Variants in DCX observed in about 807,000 individuals in gnomAD.
DCX encodes the protein neuronal migration protein doublecortin.
In DCX, 4 loss-of-function variants were observed where a neutral mutation model predicts 20.9. That is an observed-to-expected ratio of 0.19 (90% CI 0.09 to 0.44). The LOEUF (loss-of-function observed/expected upper bound fraction) is 0.44, where lower values mean the gene tolerates loss of function less well. Among genes scored for constraint, DCX ranks in the 20% least tolerant of loss-of-function variants. The pLI is 0.99. For synonymous variants in DCX, 103 were observed against 111.4 expected, an observed-to-expected ratio of 0.92 and a Z score of 0.47; for missense variants, 133 against 296.9, an observed-to-expected ratio of 0.45 and a Z score of 4.06.
At chrX:111,351,907 T>A (rs1256210203) in intron 3 of DCX, among the ~76,000 whole-genome samples, 1 of 111,382 alleles carries the variant, frequency 9.0e-6, no homozygotes, top group Non-Finnish European at 1.9e-5. Context: ...GTATTTTTCG[T>A]AGAAATGGGG....
chrX:111,377,589 C>T (rs1465631061), intron 3 of DCX, among the ~76,000 whole-genome samples: 2 of 111,497 alleles, frequency 1.8e-5, no homozygotes, highest in Admixed American at 1.9e-4. Flanking sequence ...TTTCTGTCAC[C>T]TGCATCTGCT....
chrX:111,335,511 G>C (rs1334523314), intron 3 of DCX, among the ~76,000 whole-genome samples: 1 of 112,586 alleles, frequency 8.9e-6, no homozygotes, highest in African/African-American at 3.2e-5. Context: ...GCAGACAACG[G>C]AGATTAGCAT....
chrX:111,410,483 G>GA, intron 1 of DCX, 63 bp from the exon 2 acceptor site: 1 of 1,162,798 alleles, frequency 8.6e-7, no homozygotes, highest in Non-Finnish European at 1.2e-6. Context: ...CAAGGAGAAG[G>GA]AAAAAAGAAG....
intron 5 of DCX, among the ~76,000 whole-genome samples, chrX:111,324,540 T>C (rs867802092): frequency 8.9e-6 from 1 of 111,923 alleles, no homozygotes; most frequent in South Asian, 3.7e-4. Context: ...AGCTGTGTGA[T>C]CTTGGGCAGG....
intron 2 of DCX, among the ~76,000 whole-genome samples, chrX:111,403,800 C>G (rs976560549): frequency 2.7e-5 from 3 of 111,916 alleles, no homozygotes; most frequent in East Asian, 5.6e-4. Flanking sequence ...CATCCTGACA[C>G]TTTGGGAGGC....
intron 5 of DCX, among the ~76,000 whole-genome samples, chrX:111,327,202 G>A (rs1197332815): frequency 1.8e-5 from 2 of 111,547 alleles, no homozygotes; most frequent in Non-Finnish European, 3.8e-5. Flanking sequence ...TGTTACTCAG[G>A]TTGAAAGAAG....
intron 3 of DCX, among the ~76,000 whole-genome samples, chrX:111,396,037 C>T (rs749070051): frequency 8.9e-6 from 1 of 112,777 alleles, no homozygotes; most frequent in Admixed American, 9.4e-5. Flanking sequence ...TGCTGTGTTT[C>T]CTGCAATTGC....
At chrX:111,349,097 C>T (rs189571029) in intron 3 of DCX, among the ~76,000 whole-genome samples, 10 of 110,900 alleles carry the variant, frequency 9.0e-5, no homozygotes, top group Non-Finnish European at 1.9e-4. Context: ...GCATATATGC[C>T]CATAGATAGC....
At chrX:111,400,678 T>C (rs1000859174) in intron 3 of DCX, among the ~76,000 whole-genome samples, 1 of 112,286 alleles carries the variant, frequency 8.9e-6, no homozygotes, top group African/African-American at 3.2e-5. Context: ...CATCATATAA[T>C]AGCTAAATTC....
At chrX:111,349,882 T>C (rs1033062722) in intron 3 of DCX, among the ~76,000 whole-genome samples, 1 of 111,427 alleles carries the variant, frequency 9.0e-6, no homozygotes, top group Non-Finnish European at 1.9e-5. Flanking sequence ...TACAAAAGTA[T>C]GGGCAGGGTA....
chrX:111,409,973 A>G lies in DCX; in HGVS notation c.364+62T>C, dbSNP rs1928558728. The G allele has an allele frequency of 3.3e-6, 4 of 1,199,650 alleles. No individual in the cohort carries two copies. The African/African-American group carries it at 7.0e-5, about 21-fold the overall frequency. On this transcript the variant is annotated intron_variant, in intron 2 of 6. Coordinates refer to ENST00000636035, the MANE Select transcript of DCX (RefSeq NM_001195553.2). ...TAATTTTTTTTCAAAGCAACCGAAG[A>G]ATGTAACCATAACCAATGATGCCAC...
At chrX:111,336,601 C>CAG (rs1184854783) in intron 3 of DCX, among the ~76,000 whole-genome samples, 1 of 112,068 alleles carries the variant, frequency 8.9e-6, no homozygotes, top group Non-Finnish European at 1.9e-5. Context: ...ACTCAAAGCG[C>CAG]AGAGAGTCAA....
intron 3 of DCX, among the ~76,000 whole-genome samples, chrX:111,343,138 T>G (rs1395326469): frequency 5.4e-5 from 4 of 74,380 alleles, no homozygotes; most frequent in East Asian, 3.5e-4. Context: ...AACAGCTGGG[T>G]TTTTTTTTTT....
rs181514284 is a variant in DCX, at chrX:111,374,432, A to G, written c.705+26558T>C. Among the ~76,000 whole-genome samples, 13 of 111,852 alleles carry G rather than the reference A, an allele frequency of 1.2e-4. No individual in the cohort carries two copies. The Admixed American group carries it at 1.2e-3, about 11-fold the overall frequency. On this transcript the variant is annotated intron_variant, in intron 3 of 6. Transcript: ENST00000636035. ...GGTTATACATTAATACAATACTTAA[A>G]AACACTGTGGCATTATCTTGTAAAA...
chrX:111,367,522 C>T (rs945117832), intron 3 of DCX, among the ~76,000 whole-genome samples: 1 of 111,767 alleles, frequency 8.9e-6, no homozygotes, highest in East Asian at 2.8e-4. Context: ...TGCTGGACTA[C>T]CTCCAATTGG....
At chrX:111,342,069 A>C (rs1313713724) in intron 3 of DCX, among the ~76,000 whole-genome samples, 3 of 107,631 alleles carry the variant, frequency 2.8e-5, no homozygotes, top group Non-Finnish European at 5.8e-5. Flanking sequence ...CAATTAAAAC[A>C]ACAGACTGGA....
At chrX:111,349,398 G>A (rs886219699) in intron 3 of DCX, among the ~76,000 whole-genome samples, 17 of 111,797 alleles carry the variant, frequency 1.5e-4, no homozygotes, top group African/African-American at 5.5e-4. Flanking sequence ...GAGTCCAAGG[G>A]AAGCAAAGGA....
intron 3 of DCX, among the ~76,000 whole-genome samples, chrX:111,343,880 T>A (rs1451977276): frequency 9.1e-6 from 1 of 109,864 alleles, no homozygotes; most frequent in African/African-American, 3.3e-5. Context: ...TACTCAGGAG[T>A]CTGAGGCAGG....
At chrX:111,391,892 CTG>C (rs1192109796) in intron 3 of DCX, among the ~76,000 whole-genome samples, 5 of 111,366 alleles carry the variant, frequency 4.5e-5, no homozygotes, top group African/African-American at 1.6e-4. Flanking sequence ...AATTGATAGA[CTG>C]GAATTCTAGA....
Sources: gnomAD v4.1 joint callset for allele counts (sites outside exome capture counted in the v4.1 genomes callset) on GRCh38, gnomAD v4.1.1 for gene constraint, MANE v1.5 for transcripts, NCBI Gene and HGNC (gene_info 2026-07-23, HGNC 2026-07-21) for gene names.